Variants in FGD4 observed in about 807,000 individuals in gnomAD.
FGD4 encodes FYVE, RhoGEF and PH domain containing 4, also known as FYVE, RhoGEF and PH domain-containing protein 4.
In FGD4, 42 loss-of-function variants were observed where a neutral mutation model predicts 102.0. The ratio of observed to expected loss-of-function variants is 0.41; its 90% CI spans 0.32 to 0.53. FGD4 has a LOEUF of 0.53. Among genes scored for constraint, FGD4 ranks in the 20% least tolerant of loss-of-function variants. The probability of loss-of-function intolerance (pLI) is 0.21; values close to 1 mark genes in which losing one functional copy is unlikely to be tolerated. For missense variants in FGD4, 902 were observed against 1,078.2 expected, an observed-to-expected ratio of 0.84 and a Z score of 2.29; for synonymous variants, 380 against 375.7, an observed-to-expected ratio of 1.01 and a Z score of -0.13.
rs1951118508 is a variant in FGD4, at chr12:32,640,693, A to T, written c.*160A>T. The T allele has an allele frequency of 1.0e-6, 1 of 983,558 alleles. No homozygotes were observed. The highest frequency in any genetic ancestry group is 3.2e-4 in the Middle Eastern group (1 of 3,168). The allele number at this position is 983,558 out of a possible 1,614,324, so 60.9% of individuals were successfully genotyped here. On this transcript the variant is annotated 3_prime_UTR_variant, in exon 17 of 17. Transcript: ENST00000534526. ...TCCTATGTTTATGTACTCTTAGTGAAATTAGTGTGCAGAGTCATTCTACCG... is the reference window on the plus strand; with the variant it reads ...TCCTATGTTTATGTACTCTTAGTGATATTAGTGTGCAGAGTCATTCTACCG...
intron 8 of FGD4, among the ~76,000 whole-genome samples, chr12:32,609,835 A>G (rs1489342756): frequency 6.6e-6 from 1 of 152,188 alleles, no homozygotes; most frequent in East Asian, 1.9e-4. Context: ...ACAAAACAGA[A>G]AAGAAAGGAA....
chr12:32,411,316 C>CACG (rs1201027794), intron 1 of FGD4, among the ~76,000 whole-genome samples: 3 of 151,462 alleles, frequency 2.0e-5, no homozygotes, highest in African/African-American at 7.3e-5. Context: ...GCGGACGGAT[C>CACG]ACGACGTCAG....
chr12:32,627,353 A>G (rs1950244250), intron 14 of FGD4, among the ~76,000 whole-genome samples: 1 of 146,702 alleles, frequency 6.8e-6, no homozygotes, highest in South Asian at 2.2e-4. Flanking sequence ...ACGGGGTTTC[A>G]CCATGTTGGC....
At chr12:32,442,311 C>A (rs112617203) in intron 1 of FGD4, among the ~76,000 whole-genome samples, 2,389 of 152,132 alleles carry the variant, frequency 0.016, 65 homozygotes, top group African/African-American at 0.053. Flanking sequence ...CCTCAGCCCC[C>A]CAAAGTGCTG....
intron 1 of FGD4, among the ~76,000 whole-genome samples, chr12:32,405,305 G>A (rs1405547572): frequency 7.2e-6 from 1 of 138,134 alleles, no homozygotes; most frequent in East Asian, 2.2e-4. Flanking sequence ...TCTTGTCCAG[G>A]CTGGAGTGCA....
intron 14 of FGD4, among the ~76,000 whole-genome samples, chr12:32,630,093 G>C (rs191288363): frequency 1.3e-5 from 2 of 152,078 alleles, no homozygotes; most frequent in African/African-American, 4.8e-5. Flanking sequence ...CCCAAGCTTT[G>C]TTTGCTCTAT....
chr12:32,512,159 G>T (rs1939439034), intron 1 of FGD4, among the ~76,000 whole-genome samples: 1 of 151,970 alleles, frequency 6.6e-6, no homozygotes, highest in Admixed American at 6.6e-5. Flanking sequence ...GAAGTAGAGT[G>T]CTTGTGGCCG....
chr12:32,600,382 T>C (rs1948300272), intron 5 of FGD4: 1 of 1,103,136 alleles, frequency 9.1e-7, no homozygotes, highest in South Asian at 1.3e-5. Flanking sequence ...TCTAAGGACA[T>C]AATTTTTTGT....
chr12:32,538,090 G>A (rs1378845417), intron 1 of FGD4, among the ~76,000 whole-genome samples: 1 of 152,206 alleles, frequency 6.6e-6, no homozygotes, highest in Admixed American at 6.5e-5. Flanking sequence ...AGAGACATGG[G>A]TTTTGTCATG....
chr12:32,628,677 A>G (rs1053169392), intron 14 of FGD4, among the ~76,000 whole-genome samples: 1 of 152,062 alleles, frequency 6.6e-6, no homozygotes, highest in African/African-American at 2.4e-5. Context: ...GCATGCCTGT[A>G]ATTCCAGCTG....
intron 1 of FGD4, among the ~76,000 whole-genome samples, chr12:32,453,237 ATTTTTTT>A (rs60006767): frequency 7.2e-4 from 65 of 90,528 alleles, no homozygotes; most frequent in Admixed American, 2.7e-3. Flanking sequence ...ATATATATAT[ATTTTTTT>A]TTTTTTAAAT....
intron 10 of FGD4, among the ~76,000 whole-genome samples, chr12:32,612,105 C>G (rs573491755): frequency 1.3e-5 from 2 of 152,344 alleles, no homozygotes; most frequent in Admixed American, 1.3e-4. Flanking sequence ...GACTTTGGTG[C>G]CAATGAGCAT....
intron 1 of FGD4, among the ~76,000 whole-genome samples, chr12:32,539,091 T>G (rs912795210): frequency 6.6e-6 from 1 of 151,644 alleles, no homozygotes; most frequent in African/African-American, 2.4e-5. Context: ...GAAAAAGAGG[T>G]CCTTAATATT....
intron 1 of FGD4, among the ~76,000 whole-genome samples, chr12:32,479,003 A>T (rs1333401191): frequency 6.6e-6 from 1 of 152,216 alleles, no homozygotes; most frequent in Admixed American, 6.5e-5. Context: ...TATCTGCCCA[A>T]CTTATAACTC....
intron 1 of FGD4, among the ~76,000 whole-genome samples, chr12:32,509,241 CTTTTTTT>C (rs35053299): frequency 3.8e-5 from 5 of 132,660 alleles, no homozygotes; most frequent in East Asian, 2.2e-4. Flanking sequence ...CTTTTATTCT[CTTTTTTT>C]TTTTTTTTTT....
chr12:32,532,366 A>G (rs1430659506), intron 1 of FGD4, among the ~76,000 whole-genome samples: 1 of 152,200 alleles, frequency 6.6e-6, no homozygotes, highest in Non-Finnish European at 1.5e-5. Flanking sequence ...CTTAATGGTT[A>G]TCACTGTACT....
intron 10 of FGD4, among the ~76,000 whole-genome samples, chr12:32,615,308 A>T (rs1949381837): frequency 6.6e-6 from 1 of 152,196 alleles, no homozygotes; most frequent in African/African-American, 2.4e-5. Flanking sequence ...GTTCCCTAAG[A>T]CTAGCAAGGA....
intron 1 of FGD4, among the ~76,000 whole-genome samples, chr12:32,527,736 G>A (rs1333782702): frequency 6.6e-6 from 1 of 151,828 alleles, no homozygotes; most frequent in Non-Finnish European, 1.5e-5. Context: ...GCCTATCTTA[G>A]TATTTTAATG....
chr12:32,501,158 C>A (rs1282688492), intron 1 of FGD4, among the ~76,000 whole-genome samples: 3 of 152,204 alleles, frequency 2.0e-5, no homozygotes, highest in Middle Eastern at 3.2e-3. Flanking sequence ...CCCAAGCAAT[C>A]CTCCCACTTC....
Sources: allele counts gnomAD v4.1 joint callset (sites outside exome capture counted in the v4.1 genomes callset), GRCh38; gene constraint gnomAD v4.1.1; transcripts MANE v1.5; gene names NCBI Gene and HGNC (gene_info 2026-07-23, HGNC 2026-07-21).